Variants in PRKG1 observed in about 807,000 individuals in gnomAD.
PRKG1 encodes protein kinase cGMP-dependent 1.
PRKG1 carries 35 observed loss-of-function variants against 88.1 expected under a neutral mutation model. That is an observed-to-expected ratio of 0.40 (90% CI 0.30 to 0.53). The LOEUF (loss-of-function observed/expected upper bound fraction) is 0.53, where lower values mean the gene tolerates loss of function less well. Ranked by LOEUF, PRKG1 falls within the 20% of genes least tolerant of loss-of-function variation. The probability of loss-of-function intolerance (pLI) is 0.59; values close to 1 mark genes in which losing one functional copy is unlikely to be tolerated. For synonymous variants in PRKG1, 303 were observed against 292.5 expected (o/e 1.04, Z -0.37); for missense variants, 540 against 839.8 (o/e 0.64, Z 4.41).
intron 5 of PRKG1, among the ~76,000 whole-genome samples, chr10:51,927,276 A>G (rs1173360469): frequency 6.6e-6 from 1 of 152,122 alleles, no homozygotes; most frequent in East Asian, 1.9e-4. Context: ...TGATGATTTT[A>G]TAAGGGGTTT....
chr10:51,086,933 T>G (rs1434818691), intron 1 of PRKG1, among the ~76,000 whole-genome samples: 1 of 152,198 alleles, frequency 6.6e-6, no homozygotes, highest in Non-Finnish European at 1.5e-5. Context: ...GGCTCAAGTA[T>G]ACATTTATTT....
At chr10:52,023,296 T>G (rs192113687) in intron 5 of PRKG1, among the ~76,000 whole-genome samples, 1 of 152,226 alleles carries the variant, frequency 6.6e-6, no homozygotes, top group Non-Finnish European at 1.5e-5. Context: ...GTGCCACATT[T>G]TCTTTATCCA....
In PRKG1 at chr10:51,453,980, C is replaced by G. The variant is rs193224258; in HGVS notation, c.479-13743C>G. On this transcript the variant is annotated intron_variant, in intron 2 of 17. Coordinates refer to ENST00000373980, the MANE Select transcript of PRKG1 (RefSeq NM_006258.4). The stretch of plus-strand genomic sequence containing the variant: ...ACCAAGCTGAGAGTCAAATCAAAAA[C>G]TCAAACCATTTTACAACAGCTGCTC... 2.3e-3 allele frequency among the ~76,000 whole-genome samples: 343 copies of G among 152,170 alleles called. 4 individuals are homozygous for G. Among genetic ancestry groups the G allele is most frequent in the African/African-American group, 7.6e-3 (314 of 41,546 alleles).
intron 9 of PRKG1, among the ~76,000 whole-genome samples, chr10:52,220,508 T>C (rs1840217774): frequency 6.6e-6 from 1 of 152,076 alleles, no homozygotes. Context: ...GATTATTTTG[T>C]CACCCAGATA....
intron 3 of PRKG1, among the ~76,000 whole-genome samples, chr10:51,788,909 A>G (rs1210213224): frequency 6.6e-6 from 1 of 152,202 alleles, no homozygotes; most frequent in African/African-American, 2.4e-5. Context: ...TATGTCAAAT[A>G]TATGGCTTCT....
intron 2 of PRKG1, among the ~76,000 whole-genome samples, chr10:51,175,684 A>G (rs1564627762): frequency 6.6e-6 from 1 of 152,076 alleles, no homozygotes; most frequent in Admixed American, 6.6e-5. Flanking sequence ...GGGTAAATAT[A>G]TCATTATACT....
chr10:51,990,135 C>G (rs1313058447), intron 5 of PRKG1, among the ~76,000 whole-genome samples: 3 of 152,056 alleles, frequency 2.0e-5, no homozygotes. Context: ...TCAATTTGCC[C>G]TAAATGCATA....
chr10:51,225,210 C>G (rs1010265056), intron 2 of PRKG1, among the ~76,000 whole-genome samples: 1 of 152,172 alleles, frequency 6.6e-6, no homozygotes. Flanking sequence ...TACGTGTTGC[C>G]TCCTCTCTGT....
intron 10 of PRKG1, among the ~76,000 whole-genome samples, chr10:52,264,874 G>A (rs145416453): frequency 2.2e-3 from 334 of 152,046 alleles, no homozygotes; most frequent in Non-Finnish European, 3.9e-3. Flanking sequence ...CCCCACCCCC[G>A]AAGAGAATAT....
chr10:51,743,737 AATATAT>A (rs369411662), intron 3 of PRKG1, among the ~76,000 whole-genome samples: 2,823 of 40,362 alleles, frequency 0.07, 197 homozygotes, highest in African/African-American at 0.23. Context: ...ATATAAACTA[AATATAT>A]ATATATATAT....
At chr10:51,704,141 C>CAA (rs34997783) in intron 3 of PRKG1, among the ~76,000 whole-genome samples, 1,405 of 79,528 alleles carry the variant, frequency 0.018, 14 homozygotes, top group Non-Finnish European at 0.023. Context: ...GAAACTGTCT[C>CAA]AAAAAAAAAA....
chr10:52,192,710 G>A (rs773978206), intron 9 of PRKG1, among the ~76,000 whole-genome samples: 5 of 151,740 alleles, frequency 3.3e-5, no homozygotes, highest in Admixed American at 1.3e-4. Context: ...CACAGAATTG[G>A]TAACTTTCTA....
chr10:52,106,347 A>G lies in PRKG1; in HGVS notation c.936-27493A>G, dbSNP rs550095871. Among the ~76,000 whole-genome samples the G allele has an allele frequency of 2.4e-4, 36 of 152,276 alleles. No individual in the cohort carries two copies. The South Asian group carries it at 4.6e-3, about 19-fold the overall frequency. ...AAATTTCAATGTCAGATAAACAGTG[A>G]ACAGTTTTGTTACTGTAAGTGTGTC... On this transcript the variant is annotated intron_variant, in intron 7 of 17. Coordinates refer to ENST00000373980, the MANE Select transcript of PRKG1 (RefSeq NM_006258.4).
chr10:51,249,771 C>T (rs1039731557), intron 2 of PRKG1, among the ~76,000 whole-genome samples: 6 of 151,798 alleles, frequency 4.0e-5, no homozygotes, highest in African/African-American at 9.7e-5. Context: ...GGCACTGTTC[C>T]AGTGTTTCTG....
At chr10:51,804,221 A>G (rs1839246508) in intron 3 of PRKG1, among the ~76,000 whole-genome samples, 1 of 152,064 alleles carries the variant, frequency 6.6e-6, no homozygotes, top group Non-Finnish European at 1.5e-5. Context: ...ACTAGGGTTT[A>G]TTATTACTTG....
intron 1 of PRKG1, among the ~76,000 whole-genome samples, chr10:51,123,621 G>A (rs1262596349): frequency 3.3e-5 from 5 of 151,736 alleles, no homozygotes; most frequent in African/African-American, 9.7e-5. Flanking sequence ...GGGAGGTGGA[G>A]GTTGCGGTGA....
intron 1 of PRKG1, among the ~76,000 whole-genome samples, chr10:51,097,493 G>A (rs963598049): frequency 1.1e-4 from 17 of 152,016 alleles, no homozygotes; most frequent in Non-Finnish European, 1.6e-4. Flanking sequence ...GAAGTGCTTG[G>A]GATTATAGGT....
intron 3 of PRKG1, among the ~76,000 whole-genome samples, chr10:51,485,940 A>T (rs920398039): frequency 6.6e-6 from 1 of 152,198 alleles, no homozygotes; most frequent in East Asian, 1.9e-4. Flanking sequence ...CATAGGCAAC[A>T]GTTCTCATTA....
chr10:51,880,822 C>T (rs151201823), intron 4 of PRKG1, among the ~76,000 whole-genome samples: 168 of 152,240 alleles, frequency 1.1e-3, no homozygotes, highest in East Asian at 4.6e-3. Flanking sequence ...ATCAACCTAT[C>T]GGTTCATCAA....
Sources: gnomAD v4.1 joint callset for allele counts (sites outside exome capture counted in the v4.1 genomes callset) on GRCh38, gnomAD v4.1.1 for gene constraint, MANE v1.5 for transcripts, NCBI Gene and HGNC (gene_info 2026-07-23, HGNC 2026-07-21) for gene names.